Variants in RIMS2 observed in about 807,000 individuals in gnomAD.
RIMS2 encodes the protein regulating synaptic membrane exocytosis protein 2.
Under a neutral mutation model 174.4 loss-of-function variants are expected in RIMS2, and 59 were observed. The ratio of observed to expected loss-of-function variants is 0.34; its 90% confidence interval spans 0.27 to 0.42. The LOEUF (loss-of-function observed/expected upper bound fraction) is 0.42, where lower values mean the gene tolerates loss of function less well. RIMS2 is among the 10% of genes least tolerant of loss of function. The pLI, the probability that RIMS2 is intolerant of heterozygous loss-of-function variation, is 1.00. For synonymous variants in RIMS2, 606 were observed against 572.5 expected (o/e 1.06, Z -0.84); for missense variants, 1,620 against 1,666.3 (o/e 0.97, Z 0.48).
intron 2 of RIMS2, among the ~76,000 whole-genome samples, chr8:103,764,951 G>A (rs1392232519): frequency 6.6e-6 from 1 of 152,056 alleles, no homozygotes; most frequent in Non-Finnish European, 1.5e-5. Context: ...AAATGAGCAA[G>A]TACAATGTTG....
At chr8:103,970,467 A>C (rs2092737814) in intron 15 of RIMS2, among the ~76,000 whole-genome samples, 1 of 152,164 alleles carries the variant, frequency 6.6e-6, no homozygotes, top group African/African-American at 2.4e-5. Context: ...TGGAAGCATG[A>C]GGAGATTTTT....
At chr8:104,083,932 A>T (rs911431814) in intron 19 of RIMS2, among the ~76,000 whole-genome samples, 1 of 152,190 alleles carries the variant, frequency 6.6e-6, no homozygotes, top group African/African-American at 2.4e-5. Context: ...CATCTATATC[A>T]ATACACAGCT....
intron 19 of RIMS2, chr8:104,223,424 C>T (rs930829790): frequency 1.1e-5 from 14 of 1,260,072 alleles, no homozygotes; most frequent in African/African-American, 2.0e-5. Flanking sequence ...CCCGCCACCG[C>T]CTCCATCTCC....
At chr8:103,880,797 TATAG>T in intron 3 of RIMS2, 1 of 384,110 alleles carries the variant, frequency 2.6e-6, no homozygotes, top group Non-Finnish European at 4.6e-6. Context: ...TTGTAGGAAT[TATAG>T]AAACGGGCCT....
Position 103,619,928 on chromosome 8 carries a change from A to G in RIMS2, c.177-77158A>G, listed in dbSNP as rs371607438. The stretch of plus-strand genomic sequence containing the variant: ...GAACATGTCTATGAAACAAACACAT[A>G]ATTTTCTGTATGATGCCAAATATTT... On this transcript the variant is annotated intron_variant, in intron 1 of 23. Transcript: ENST00000504942. 1.3e-4 allele frequency among the ~76,000 whole-genome samples: 20 copies of G among 152,232 alleles called. No homozygotes were observed. The South Asian group carries it at 4.1e-3, about 32-fold the overall frequency.
rs895570279 is a variant in RIMS2 at position 104,203,534 on chromosome 8, C to T, written c.3335-41382C>T. ...TTTTTTTTTTTGTGAGATGGAGCCT[C>T]GCTCTGTCACCCAGGCTGGAGTTCA... On this transcript the variant is annotated intron_variant, in intron 19 of 23. Coordinates refer to ENST00000504942, the Ensembl canonical transcript of RIMS2. Among the ~76,000 whole-genome samples the T allele has an allele frequency of 2.9e-5, 4 of 139,300 alleles. No homozygotes were observed. The South Asian group carries it at 6.9e-4, about 24-fold the overall frequency. The allele number at this position is 139,300 out of a possible 152,430, so 91.4% of individuals were successfully genotyped here. A position where few individuals can be genotyped will look rare whatever the true frequency, so the allele number is the denominator to read the frequency against.
chr8:103,506,823 A>G (rs1250027928), intron 1 of RIMS2, among the ~76,000 whole-genome samples: 1 of 152,150 alleles, frequency 6.6e-6, no homozygotes, highest in Non-Finnish European at 1.5e-5. Flanking sequence ...CAACTTGAAA[A>G]TAGTTTCCTC....
At chr8:103,874,109 A>G (rs1408980895) in intron 3 of RIMS2, among the ~76,000 whole-genome samples, 1 of 151,992 alleles carries the variant, frequency 6.6e-6, no homozygotes, top group Non-Finnish European at 1.5e-5. Flanking sequence ...CACTATGTGG[A>G]TATTGACTCC....
intron 1 of RIMS2, among the ~76,000 whole-genome samples, chr8:103,595,186 CAG>C (rs770487045): frequency 2.2e-4 from 34 of 151,880 alleles, no homozygotes; most frequent in African/African-American, 5.1e-4. Flanking sequence ...AAAAGTTTTG[CAG>C]AGTTTCTCTT....
chr8:103,808,950 G>A (rs2098668507), intron 3 of RIMS2, among the ~76,000 whole-genome samples: 1 of 152,088 alleles, frequency 6.6e-6, no homozygotes, highest in Non-Finnish European at 1.5e-5. Context: ...TCTCCATTCT[G>A]ACTGCTAGGA....
At chr8:103,511,331 A>G (rs796124310) in intron 1 of RIMS2, among the ~76,000 whole-genome samples, 2 of 152,302 alleles carry the variant, frequency 1.3e-5, no homozygotes, top group African/African-American at 2.4e-5. Flanking sequence ...GAGTCATTGA[A>G]ATATTTTCAT....
At chr8:104,050,462 G>A (rs960248194) in intron 19 of RIMS2, among the ~76,000 whole-genome samples, 1 of 152,140 alleles carries the variant, frequency 6.6e-6, no homozygotes, top group Admixed American at 6.6e-5. Context: ...TCTTATCTAA[G>A]GAGGTGATGT....
At chr8:103,691,164 G>C (rs1337327419) in intron 1 of RIMS2, among the ~76,000 whole-genome samples, 1 of 152,056 alleles carries the variant, frequency 6.6e-6, no homozygotes, top group Non-Finnish European at 1.5e-5. Context: ...AATGCCTTGA[G>C]GTAGTCTTTG....
chr8:104,130,038 G>T (rs1329890471), intron 19 of RIMS2, among the ~76,000 whole-genome samples: 1 of 152,096 alleles, frequency 6.6e-6, no homozygotes, highest in African/African-American at 2.4e-5. Context: ...GTTACTAGGA[G>T]TTTTCATTCA....
Position 103,501,043 on chromosome 8 carries a change from A to G in RIMS2, c.157A>G (p.Lys53Glu), listed in dbSNP as rs766946826. The change falls in exon 1 of 24, where the codon AAG (lysine) becomes GAG (glutamate). Residue 53 changes from lysine to glutamate, a missense_variant. Around this residue, in one of 2 missense-constraint regions of RIMS2, gnomAD observed 1,395 missense variants for 1,360.1 expected, o/e 1.03. Coordinates refer to ENST00000504942, the Ensembl canonical transcript of RIMS2. Reference sequence around the variant, plus strand: ...GGATAGGCAGAAGAAAGAAGAGGAGAAGGAGCAGTCCGTGCTCAAGTAAGG... The same window carrying G: ...GGATAGGCAGAAGAAAGAAGAGGAGGAGGAGCAGTCCGTGCTCAAGTAAGG... 59 of 1,608,440 alleles carry G rather than the reference A, an allele frequency of 3.7e-5. No homozygotes were observed. Among genetic ancestry groups the G allele is most frequent in the East Asian group, 2.0e-4 (9 of 44,396 alleles).
In RIMS2 at chr8:103,812,331, G is replaced by GTTTTTTTTTTTTTTTT. The variant is rs71575985; in HGVS notation, c.698+45802_698+45817dup. ...GGTCAAATTATTACCTTATTACCTT[G>GTTTTTTTTTTTTTTTT]TTTTTTTTTTTTTTTTTTTTTTTGT... is the stretch of plus-strand genomic sequence containing the variant. On this transcript the variant is annotated intron_variant, in intron 3 of 23. Coordinates refer to ENST00000504942, the Ensembl canonical transcript of RIMS2. Among the ~76,000 whole-genome samples the GTTTTTTTTTTTTTTTT allele has an allele frequency of 1.1e-3, 121 of 111,572 alleles. 2 individuals are homozygous for GTTTTTTTTTTTTTTTT. The highest frequency in any genetic ancestry group is 6.1e-3 in the Middle Eastern group (1 of 164). The allele number at this position is 111,572 out of a possible 152,430, so 73.2% of individuals were successfully genotyped here.
chr8:103,797,488 A>G (rs1161605938), intron 3 of RIMS2, among the ~76,000 whole-genome samples: 1 of 152,170 alleles, frequency 6.6e-6, no homozygotes, highest in Non-Finnish European at 1.5e-5. Flanking sequence ...TCTTCTTCAT[A>G]TCTTTTACTT....
rs1330965190 is a variant in RIMS2 at position 103,597,110 on chromosome 8, A to G, written c.176+96048A>G. ...TGGAAAATTAACAAACAGATTAAGA[A>G]CATATGCTTATTTTCTCAGTTGAGC... On this transcript the variant is annotated intron_variant, in intron 1 of 23. Coordinates refer to ENST00000504942, the Ensembl canonical transcript of RIMS2. 2.0e-5 allele frequency among the ~76,000 whole-genome samples: 3 copies of G among 152,198 alleles called. No individual in the cohort carries two copies. In the East Asian group the frequency reaches 5.8e-4, roughly 29 times the overall value.
chr8:104,085,923 T>A (rs1016132499), intron 19 of RIMS2, among the ~76,000 whole-genome samples: 2 of 152,076 alleles, frequency 1.3e-5, no homozygotes, highest in African/African-American at 4.8e-5. Context: ...CATCTGGAAA[T>A]ACAGATCTGA....
Sources: allele counts gnomAD v4.1 joint callset (sites outside exome capture counted in the v4.1 genomes callset), GRCh38; gene constraint gnomAD v4.1.1; regional missense constraint gnomAD v4.1.1; transcripts MANE v1.5; gene names NCBI Gene and HGNC (gene_info 2026-07-23, HGNC 2026-07-21).